The following POMGNT2 variants were observed in gnomAD, a reference collection of about 807,000 sequenced individuals.
POMGNT2 encodes the protein protein O-linked-mannose beta-1,4-N-acetylglucosaminyltransferase 2.
In POMGNT2, 32 loss-of-function variants were observed where a neutral mutation model predicts 37.8. The ratio of observed to expected loss-of-function variants is 0.85; its 90% CI spans 0.64 to 1.14. POMGNT2 has a LOEUF of 1.14. POMGNT2 is among the 50% of genes most tolerant of loss of function. POMGNT2 has a pLI of 0.00. For synonymous variants in POMGNT2, 340 were observed against 336.8 expected, an observed-to-expected ratio of 1.01 and a Z score of -0.10; for missense variants, 705 against 780.6, an observed-to-expected ratio of 0.90 and a Z score of 1.15.
chr3:43,103,266 C>T (rs2090032587), intron 1 of POMGNT2, among the ~76,000 whole-genome samples: 1 of 152,154 alleles, frequency 6.6e-6, no homozygotes, highest in African/African-American at 2.4e-5. Context: ...GGCTCTCAGT[C>T]CAGGGCTCCT....
intron 1 of POMGNT2, among the ~76,000 whole-genome samples, chr3:43,101,791 T>C (rs2090021052): frequency 6.6e-6 from 1 of 152,290 alleles, no homozygotes; most frequent in East Asian, 1.9e-4. Context: ...TACCTTTTGC[T>C]AAGATGATGC....
chr3:43,094,393 C>A (rs1319211243), intron 1 of POMGNT2, among the ~76,000 whole-genome samples: 1 of 152,188 alleles, frequency 6.6e-6, no homozygotes, highest in Non-Finnish European at 1.5e-5. Flanking sequence ...GGCAACAGAC[C>A]CAGTGATTTC....
Position 43,080,858 on chromosome 3 carries a change from A to G in POMGNT2, c.574T>C (p.Phe192Leu). Reference protein sequence around the residue: ...FPGLAHEARLFFMEGWGEGAH... With the variant: ...FPGLAHEARLLFMEGWGEGAH... ...CCCTCGCCCCAGCCCTCCATGAAGA[A>G]GAGCCGTGCCTCGTGGGCCAGGCCG... is the stretch of plus-strand genomic sequence containing the variant. The change falls in exon 2 of 2, where the codon TTC (phenylalanine) becomes CTC (leucine). Residue 192 changes from phenylalanine (F) to leucine (L), a missense_variant. Coordinates refer to ENST00000344697, the MANE Select transcript of POMGNT2 (RefSeq NM_032806.6). 6.2e-7 allele frequency: 1 copy of G among 1,614,078 alleles called. No individual in the cohort carries two copies. Among genetic ancestry groups the G allele is most frequent in the Admixed American group, 1.7e-5 (1 of 60,018 alleles).
chr3:43,102,601 T>C (rs1237024979), intron 1 of POMGNT2, among the ~76,000 whole-genome samples: 1 of 152,226 alleles, frequency 6.6e-6, no homozygotes, highest in Non-Finnish European at 1.5e-5. Context: ...GGCGCTGTCT[T>C]AAGCCTTTTT....
intron 1 of POMGNT2, among the ~76,000 whole-genome samples, chr3:43,084,165 T>C (rs1266192085): frequency 6.6e-6 from 1 of 152,214 alleles, no homozygotes; most frequent in African/African-American, 2.4e-5. Flanking sequence ...TTTCAAAAGT[T>C]TGACTCTGAG....
intron 1 of POMGNT2, among the ~76,000 whole-genome samples, chr3:43,091,662 AAAC>A (rs1392978780): frequency 6.6e-6 from 1 of 152,248 alleles, no homozygotes; most frequent in African/African-American, 2.4e-5. Flanking sequence ...GTAAAAATAG[AAAC>A]TACAGTAGAG....
In POMGNT2 at chr3:43,101,583, A is replaced by C. The variant is rs184472821; in HGVS notation, c.-106+4253T>G. On this transcript the variant is annotated intron_variant, in intron 1 of 1. Transcript: ENST00000344697. ...AATCTCTCTGAGATGAGGACCCAGG[A>C]ACTTGTGTCTTAATAAAGCTTCCAG... Among the ~76,000 whole-genome samples, 508 of 152,256 alleles carry C rather than the reference A, an allele frequency of 3.3e-3. 4 individuals are homozygous for C. The highest frequency in any genetic ancestry group is 5.0e-3 in the Non-Finnish European group (343 of 68,012).
chr3:43,094,786 T>G (rs2089967630), intron 1 of POMGNT2, among the ~76,000 whole-genome samples: 2 of 152,192 alleles, frequency 1.3e-5, no homozygotes, highest in Non-Finnish European at 2.9e-5. Context: ...GAAATATGAC[T>G]GTGCAGTGAC....
intron 1 of POMGNT2, 85 bp from the exon 2 acceptor site, chr3:43,081,621 A>G: frequency 1.7e-6 from 1 of 598,926 alleles, no homozygotes; most frequent in Non-Finnish European, 2.9e-6. Context: ...CAGGCACGGT[A>G]GCTAGGCTCT....
intron 1 of POMGNT2, among the ~76,000 whole-genome samples, chr3:43,100,042 CCTT>C (rs781576918): frequency 1.3e-5 from 2 of 152,150 alleles, no homozygotes; most frequent in East Asian, 3.8e-4. Flanking sequence ...TCTGCGATCT[CCTT>C]CTTTTTATCT....
chr3:43,105,615 C>T (rs1307165866), intron 1 of POMGNT2, among the ~76,000 whole-genome samples: 2 of 150,620 alleles, frequency 1.3e-5, no homozygotes, highest in Non-Finnish European at 3.0e-5. Flanking sequence ...AGGGTCCACC[C>T]CCGCCCCGCC....
In POMGNT2 at chr3:43,080,252, G is replaced by C. The variant is rs146126985; in HGVS notation, c.1180C>G (p.Arg394Gly). 5.0e-6 allele frequency: 8 copies of C among 1,614,044 alleles called. No homozygotes were observed. The highest frequency in any genetic ancestry group is 1.7e-5 in the Admixed American group (1 of 60,002). Residue 394 changes from arginine (R) to glycine (G), a missense_variant, in exon 2 of 2, where the codon CGG becomes GGG. By Grantham distance (125) the Arg-to-Gly change is moderately radical. Transcript: ENST00000344697. The stretch of plus-strand genomic sequence containing the variant: ...ACTGTGTTCTCTGGCATCATGTTCC[G>C]CCAGGCTACATACTGGAGGTCCATG... Reference protein sequence around the residue: ...PGMDLQYVAWRNMMPENTVTH... With the variant: ...PGMDLQYVAWGNMMPENTVTH...
intron 1 of POMGNT2, 44 bp from the exon 2 acceptor site, chr3:43,081,580 C>T: frequency 1.4e-6 from 1 of 716,858 alleles, no homozygotes; most frequent in South Asian, 1.9e-5. Context: ...TGGCAGTCTT[C>T]CTGGCATCAT....
chr3:43,100,732 C>A (rs1409267029), intron 1 of POMGNT2, among the ~76,000 whole-genome samples: 1 of 152,124 alleles, frequency 6.6e-6, no homozygotes, highest in African/African-American at 2.4e-5. Context: ...CTCTCTAGTC[C>A]CTTCCGATCT....
At chr3:43,091,632 G>A (rs536438154) in intron 1 of POMGNT2, among the ~76,000 whole-genome samples, 1 of 152,256 alleles carries the variant, frequency 6.6e-6, no homozygotes, top group African/African-American at 2.4e-5. Flanking sequence ...CTTCCCATGA[G>A]GTGCATATTA....
At chr3:43,096,304 T>C (rs915826148) in intron 1 of POMGNT2, among the ~76,000 whole-genome samples, 1 of 152,118 alleles carries the variant, frequency 6.6e-6, no homozygotes, top group Admixed American at 6.5e-5. Flanking sequence ...AACTATTAAA[T>C]ATGAACCCAC....
chr3:43,081,447 G>A lies in POMGNT2; in HGVS notation c.-16C>T. 6.6e-7 allele frequency: 1 copy of A among 1,520,230 alleles called. No individual in the cohort carries two copies. Among genetic ancestry groups the A allele is most frequent in the Non-Finnish European group, 8.8e-7 (1 of 1,135,332 alleles). 94.2% of individuals were successfully genotyped at this position (1,520,230 alleles called of 1,614,324 possible). ...AGAGGTGCATCCTAATGCCACTGTG[G>A]GGCCCTAATGAGATGACGGCCACTG... is the stretch of plus-strand genomic sequence containing the variant. On this transcript the variant is annotated 5_prime_UTR_variant, in exon 2 of 2. Coordinates refer to ENST00000344697, the MANE Select transcript of POMGNT2 (RefSeq NM_032806.6).
chr3:43,089,465 G>T (rs1235022099), intron 1 of POMGNT2, among the ~76,000 whole-genome samples: 1 of 152,236 alleles, frequency 6.6e-6, no homozygotes, highest in East Asian at 1.9e-4. Context: ...TGTGATGCCA[G>T]ATCAAGGAGT....
At chr3:43,088,729 T>G (rs1394906252) in intron 1 of POMGNT2, among the ~76,000 whole-genome samples, 1 of 152,254 alleles carries the variant, frequency 6.6e-6, no homozygotes, top group Admixed American at 6.5e-5. Flanking sequence ...GGCTGCCATC[T>G]GCTGACCATG....
Sources: allele counts gnomAD v4.1 joint callset (sites outside exome capture counted in the v4.1 genomes callset), GRCh38; gene constraint gnomAD v4.1.1; transcripts MANE v1.5; gene names NCBI Gene and HGNC (gene_info 2026-07-23, HGNC 2026-07-21).